CBR4: variants seen among roughly 807,000 people sequenced by gnomAD.
CBR4 encodes the protein carbonyl reductase 4, also known as 3-oxoacyl-[acyl-carrier-protein] reductase.
CBR4 carries 22 observed loss-of-function variants against 21.0 expected under a neutral mutation model. That is an observed-to-expected ratio of 1.05 (90% confidence interval 0.75 to 1.50). The LOEUF (loss-of-function observed/expected upper bound fraction) is 1.50. CBR4 is among the 40% of genes most tolerant of loss of function. The probability of loss-of-function intolerance (pLI) is 0.00; values close to 1 mark genes in which losing one functional copy is unlikely to be tolerated. For missense variants in CBR4, 302 were observed against 286.3 expected (o/e 1.05, Z -0.40); for synonymous variants, 100 against 104.4 (o/e 0.96, Z 0.26).
chr4:168,980,001 C>G (rs868645483), intron 2 of CBR4, among the ~76,000 whole-genome samples: 12 of 152,166 alleles, frequency 7.9e-5, no homozygotes, highest in African/African-American at 2.7e-4. Flanking sequence ...AGGGCCCCCC[C>G]AGCTTGGGCC....
chr4:168,990,057 T>G lies in CBR4; in HGVS notation c.*93A>C. The G allele has an allele frequency of 7.4e-7, 1 of 1,347,830 alleles. No individual in the cohort carries two copies. Among genetic ancestry groups the G allele is most frequent in the East Asian group, 2.8e-5 (1 of 36,032 alleles). The allele number at this position is 1,347,830 out of a possible 1,614,324, so 83.5% of individuals were successfully genotyped here. The stretch of plus-strand genomic sequence containing the variant: ...CATTTGTAGCATCAGCAGGTTTGAT[T>G]AGCACATGTTACCCATGTAGGTATA... On this transcript the variant is annotated 3_prime_UTR_variant, in exon 5 of 5. Transcript: ENST00000306193.
intron 1 of CBR4, 32 bp from the exon 2 acceptor site, chr4:169,007,788 T>C: frequency 2.7e-6 from 4 of 1,506,700 alleles, no homozygotes; most frequent in Non-Finnish European, 3.6e-6. Context: ...GAATTACTTA[T>C]AACTCAAATT....
Position 169,006,889 on chromosome 4 carries a change from T to G in CBR4, c.266A>C (p.Asp89Ala), listed in dbSNP as rs775067434. 1.2e-6 allele frequency: 2 copies of G among 1,611,172 alleles called. No homozygotes were observed. Among genetic ancestry groups the G allele is most frequent in the Admixed American group, 3.3e-5 (2 of 59,950 alleles). ...FLVNAAGINR[D>A]GLLVRTKTED... ...AGTTTTTGTTCTTACTAAAAGACCA[T>G]CCCTACAAAAAGAAACAGCATATAA... Residue 89 changes from aspartate to alanine, a missense_variant and splice_region_variant, in exon 3 of 5, where the codon GAT becomes GCT. Coordinates refer to ENST00000306193, the MANE Select transcript of CBR4 (RefSeq NM_032783.5).
At chr4:168,933,031 G>C (rs535888414) in intron 2 of CBR4, among the ~76,000 whole-genome samples, 32 of 152,018 alleles carry the variant, frequency 2.1e-4, no homozygotes, top group Middle Eastern at 6.8e-3. Flanking sequence ...AAAAGAGAAA[G>C]AGAAAGGAAT....
intron 2 of CBR4, chr4:168,903,749 A>G (rs2151305587): frequency 6.2e-7 from 1 of 1,606,468 alleles, no homozygotes; most frequent in South Asian, 1.1e-5. Flanking sequence ...CTTTGTTTCT[A>G]TTCACAGATC....
chr4:168,918,462 C>G (rs1760724092), intron 2 of CBR4, among the ~76,000 whole-genome samples: 1 of 152,008 alleles, frequency 6.6e-6, no homozygotes, highest in African/African-American at 2.4e-5. Flanking sequence ...CAGGATCTTA[C>G]TTATATGTGC....
chr4:168,913,230 G>A (rs12644874), intron 2 of CBR4, among the ~76,000 whole-genome samples: 75,430 of 150,670 alleles, frequency 0.5, 22,438 homozygotes, highest in East Asian at 0.88. Context: ...TCCGCCTCCC[G>A]GGTTCAATAG....
intron 2 of CBR4, among the ~76,000 whole-genome samples, chr4:168,939,471 T>G (rs936247467): frequency 1.3e-5 from 2 of 152,040 alleles, no homozygotes; most frequent in African/African-American, 2.4e-5. Flanking sequence ...GAGAAAGAAA[T>G]AAAGGGTATT....
chr4:168,952,473 G>A (rs1312481580), intron 2 of CBR4, among the ~76,000 whole-genome samples: 2 of 152,070 alleles, frequency 1.3e-5, no homozygotes, highest in East Asian at 1.9e-4. Flanking sequence ...TGTGATTTTG[G>A]GGGGGTGTTA....
intron 2 of CBR4, among the ~76,000 whole-genome samples, chr4:168,916,811 C>T (rs1187753092): frequency 6.7e-6 from 1 of 149,788 alleles, no homozygotes; most frequent in Non-Finnish European, 1.5e-5. Flanking sequence ...GCTGCGATTA[C>T]AGGCATGTGC....
At chr4:168,918,469 G>A (rs1760727398) in intron 2 of CBR4, among the ~76,000 whole-genome samples, 1 of 152,094 alleles carries the variant, frequency 6.6e-6, no homozygotes, top group Non-Finnish European at 1.5e-5. Flanking sequence ...TTACTTATAT[G>A]TGCAATATAA....
chr4:168,933,668 A>T (rs187980915), intron 2 of CBR4, among the ~76,000 whole-genome samples: 2 of 152,326 alleles, frequency 1.3e-5, no homozygotes, highest in Non-Finnish European at 2.9e-5. Flanking sequence ...AATGGACCTA[A>T]CAGACACCTA....
At chr4:168,896,447 A>AT (rs1755192282) in intron 2 of CBR4, 2 of 728,026 alleles carry the variant, frequency 2.7e-6, no homozygotes, top group Admixed American at 2.0e-5. Context: ...TACCAAACGC[A>AT]TATTGCTAGC....
chr4:168,925,088 A>T lies in CBR4; in HGVS notation n.170-30323T>A, dbSNP rs776310817. On this transcript the variant is annotated intron_variant and non_coding_transcript_variant, in intron 2 of 3. Coordinates refer to the CBR4 transcript ENST00000509108. The stretch of plus-strand genomic sequence containing the variant: ...AGGCTGGACGTTTACAGTGAGTGCC[A>T]CTTCATCTCATTTCATTGCGTTTAC... 21 of 1,613,854 alleles carry T rather than the reference A, an allele frequency of 1.3e-5. No individual in the cohort carries two copies. In the South Asian group the frequency reaches 2.2e-4, roughly 17 times the overall value.
At chr4:168,904,373 A>G in intron 2 of CBR4, 1 of 162,566 alleles carries the variant, frequency 6.2e-6, no homozygotes, top group Non-Finnish European at 1.4e-5. Flanking sequence ...ATGTAGACAA[A>G]TGATAATTTT....
At chr4:168,966,566 GGA>G (rs1764042373) in intron 2 of CBR4, among the ~76,000 whole-genome samples, 2 of 151,908 alleles carry the variant, frequency 1.3e-5, no homozygotes, top group African/African-American at 2.4e-5. Context: ...AACAGATGCT[GGA>G]GAGGATGTGG....
chr4:168,973,607 C>T (rs1288642572), intron 2 of CBR4, among the ~76,000 whole-genome samples: 4 of 152,204 alleles, frequency 2.6e-5, no homozygotes, highest in African/African-American at 7.2e-5. Context: ...GGATTACAGG[C>T]GTGAGCCACC....
chr4:168,926,621 G>C (rs1392992757), intron 2 of CBR4: 1 of 417,698 alleles, frequency 2.4e-6, no homozygotes, highest in Non-Finnish European at 4.3e-6. Flanking sequence ...TTAAAACTTT[G>C]GAATTGCTGT....
chr4:168,899,927 AAAAAG>A (rs1272197996), intron 2 of CBR4, among the ~76,000 whole-genome samples: 2 of 152,094 alleles, frequency 1.3e-5, no homozygotes, highest in Admixed American at 6.5e-5. Flanking sequence ...CAAAAAAAAA[AAAAAG>A]AAAAGAAAAT....
Sources: allele counts gnomAD v4.1 joint callset (sites outside exome capture counted in the v4.1 genomes callset), GRCh38; gene constraint gnomAD v4.1.1; transcripts MANE v1.5; gene names NCBI Gene and HGNC (gene_info 2026-07-23, HGNC 2026-07-21).